The following SMAD6 variants were observed in gnomAD, a reference collection of about 807,000 sequenced individuals.
SMAD6 encodes MAD homolog 6.
SMAD6 carries 103 observed loss-of-function variants against 39.4 expected under a neutral mutation model. That is an observed-to-expected ratio of 2.62 (90% CI 2.23 to 3.08). The LOEUF (loss-of-function observed/expected upper bound fraction) is 3.08, where lower values mean the gene tolerates loss of function less well. SMAD6 is among the 30% of genes most tolerant of loss of function. The pLI is 0.00. For missense variants in SMAD6, 1,104 were observed against 742.9 expected, an observed-to-expected ratio of 1.49 and a Z score of -5.65; for synonymous variants, 445 against 353.3, an observed-to-expected ratio of 1.26 and a Z score of -2.91.
intron 3 of SMAD6, among the ~76,000 whole-genome samples, chr15:66,742,807 CTTTG>C: frequency 6.6e-6 from 1 of 152,150 alleles, no homozygotes; most frequent in African/African-American, 2.4e-5. Context: ...TGGACGTTGC[CTTTG>C]CTTAGACTGC....
intron 3 of SMAD6, among the ~76,000 whole-genome samples, chr15:66,727,121 CAG>C (rs751491759): frequency 9.5e-5 from 14 of 146,840 alleles, no homozygotes; most frequent in Non-Finnish European, 1.2e-4. Context: ...TTTTTTGAGA[CAG>C]AGTCTCACTC....
intron 3 of SMAD6, among the ~76,000 whole-genome samples, chr15:66,733,248 TC>T (rs1372380018): frequency 1.4e-4 from 22 of 152,346 alleles, no homozygotes; most frequent in Admixed American, 5.2e-4. Flanking sequence ...GAGTCTTTTG[TC>T]TTTTTCAAAG....
chr15:66,726,803 T>C (rs115449054), intron 3 of SMAD6, among the ~76,000 whole-genome samples: 2,376 of 152,216 alleles, frequency 0.016, 56 homozygotes, highest in African/African-American at 0.046. Flanking sequence ...ACATCAATCC[T>C]GTGAAGAGTT....
At position 66,781,836 on chromosome 15, in the gene SMAD6, C is replaced by T; in HGVS notation, c.*301C>T. 1 of 398,706 alleles carries T rather than the reference C, an allele frequency of 2.5e-6. No homozygotes were observed. Among genetic ancestry groups the T allele is most frequent in the Non-Finnish European group, 4.4e-6 (1 of 226,044 alleles). The allele number at this position is 398,706 out of a possible 1,614,324, so 24.7% of individuals were successfully genotyped here. ...CAGATATATTTTCTTTCTCTTCCTC[C>T]TTCCTCTTCCTTACTTTTTATATAT... On this transcript the variant is annotated 3_prime_UTR_variant, in exon 4 of 4. Coordinates refer to ENST00000288840, the MANE Select transcript of SMAD6 (RefSeq NM_005585.5).
chr15:66,735,265 T>G (rs1034339161), intron 3 of SMAD6, among the ~76,000 whole-genome samples: 1 of 152,218 alleles, frequency 6.6e-6, no homozygotes, highest in African/African-American at 2.4e-5. Flanking sequence ...CCTGCCTATT[T>G]GGCCTCTGGT....
intron 1 of SMAD6, chr15:66,707,334 G>T (rs1341021022): frequency 2.0e-5 from 3 of 152,030 alleles, no homozygotes; most frequent in Non-Finnish European, 4.4e-5. Flanking sequence ...TTGCGCCCGG[G>T]GAAGAGAGAC....
In SMAD6 at chr15:66,781,742, A is replaced by G; in HGVS notation, c.*207A>G. 2.4e-6 allele frequency: 1 copy of G among 414,350 alleles called. No homozygotes were observed. The highest frequency in any genetic ancestry group is 4.2e-6 in the Non-Finnish European group (1 of 236,006). The allele number at this position is 414,350 out of a possible 1,614,324, so 25.7% of individuals were successfully genotyped here. A position where few individuals can be genotyped will look rare whatever the true frequency, so the allele number is the denominator to read the frequency against. On this transcript the variant is annotated 3_prime_UTR_variant, in exon 4 of 4. Coordinates refer to ENST00000288840, the MANE Select transcript of SMAD6 (RefSeq NM_005585.5). ...AGTCATTTTTACAATGTAATTATTT[A>G]TGTATGGTGCAATGTGTGTATATGG...
rs556455846 is a variant in SMAD6, at chr15:66,738,759, C to T, written c.952+22261C>T. Among the ~76,000 whole-genome samples the T allele has an allele frequency of 8.5e-5, 13 of 152,130 alleles. No individual in the cohort carries two copies. In the South Asian group the frequency reaches 2.5e-3, roughly 29 times the overall value. Reference sequence around the variant, plus strand: ...AGTGGCTGTGTCGGGGGCCAGAGAGCGGGTTCTGATGGGTGGGCTGAAATG... The same window carrying T: ...AGTGGCTGTGTCGGGGGCCAGAGAGTGGGTTCTGATGGGTGGGCTGAAATG... On this transcript the variant is annotated intron_variant, in intron 3 of 3. Coordinates refer to ENST00000288840, the MANE Select transcript of SMAD6 (RefSeq NM_005585.5).
chr15:66,738,964 G>A (rs1243724758), intron 3 of SMAD6, among the ~76,000 whole-genome samples: 1 of 152,146 alleles, frequency 6.6e-6, no homozygotes, highest in African/African-American at 2.4e-5. Flanking sequence ...ATGGGACCCG[G>A]GTGTGGATCG....
chr15:66,782,371 T>C lies in SMAD6; in HGVS notation c.*836T>C, dbSNP rs1284016457. ...TAAAAGAAGACACTATTTCTCACCATTTTGTGGAAATGGCCTGGGGAACAA... is the reference window on the plus strand; with the variant it reads ...TAAAAGAAGACACTATTTCTCACCACTTTGTGGAAATGGCCTGGGGAACAA... On this transcript the variant is annotated 3_prime_UTR_variant, in exon 4 of 4. Transcript: ENST00000288840. 6.5e-6 allele frequency: 1 copy of C among 153,500 alleles called. No individual in the cohort carries two copies. The highest frequency in any genetic ancestry group is 2.4e-5 in the African/African-American group (1 of 41,514). The allele number at this position is 153,500 out of a possible 1,614,324, so 9.5% of individuals were successfully genotyped here.
At chr15:66,749,562 G>A (rs902692522) in intron 3 of SMAD6, among the ~76,000 whole-genome samples, 1 of 152,172 alleles carries the variant, frequency 6.6e-6, no homozygotes, top group African/African-American at 2.4e-5. Context: ...AGGCTGCAGT[G>A]AGACATGATA....
chr15:66,719,606 G>A (rs1442637216), intron 3 of SMAD6, among the ~76,000 whole-genome samples: 2 of 152,282 alleles, frequency 1.3e-5, no homozygotes, highest in Non-Finnish European at 2.9e-5. Context: ...CAATCCCAGC[G>A]CTGGGCCTGG....
At chr15:66,734,944 A>G (rs1295529488) in intron 3 of SMAD6, among the ~76,000 whole-genome samples, 2 of 152,206 alleles carry the variant, frequency 1.3e-5, no homozygotes, top group Non-Finnish European at 2.9e-5. Flanking sequence ...GTTCCATGGC[A>G]TGGTAGAGTG....
intron 3 of SMAD6, among the ~76,000 whole-genome samples, chr15:66,749,884 G>T (rs1013493317): frequency 6.6e-6 from 1 of 152,192 alleles, no homozygotes; most frequent in Non-Finnish European, 1.5e-5. Context: ...GTTCAGAGTT[G>T]CTGGGACAGT....
rs1182694351 is a variant in SMAD6, at chr15:66,752,471, AAGC to A, written c.953-28523_953-28521del. Among the ~76,000 whole-genome samples, 4 of 152,154 alleles carry A rather than the reference AAGC, an allele frequency of 2.6e-5. No homozygotes were observed. In the South Asian group the frequency reaches 8.3e-4, roughly 32 times the overall value. On this transcript the variant is annotated intron_variant, in intron 3 of 3. Transcript: ENST00000288840. ...TTTCAAAATGCTCACAGTTGAATGGAAGCAGACTCACAATTTAAAAATACATAC... is the reference window on the plus strand; with the variant it reads ...TTTCAAAATGCTCACAGTTGAATGGAAGACTCACAATTTAAAAATACATAC...
chr15:66,769,275 T>G (rs915329242), intron 3 of SMAD6, among the ~76,000 whole-genome samples: 4 of 152,198 alleles, frequency 2.6e-5, no homozygotes, highest in African/African-American at 9.6e-5. Context: ...AATGCTGTGC[T>G]TTCACCATCT....
At chr15:66,772,986 A>C (rs1894403959) in intron 3 of SMAD6, among the ~76,000 whole-genome samples, 1 of 150,442 alleles carries the variant, frequency 6.6e-6, no homozygotes. Context: ...TTCCCATCAC[A>C]CTCCCTGTCT....
chr15:66,779,999 C>T (rs989919623), intron 3 of SMAD6, among the ~76,000 whole-genome samples: 3 of 152,202 alleles, frequency 2.0e-5, no homozygotes, highest in Non-Finnish European at 4.4e-5. Flanking sequence ...TTGTTAAACT[C>T]CTCCAGACAC....
At chr15:66,721,644 C>A (rs998892588) in intron 3 of SMAD6, among the ~76,000 whole-genome samples, 24 of 152,166 alleles carry the variant, frequency 1.6e-4, no homozygotes, top group Admixed American at 1.4e-3. Flanking sequence ...AACAACATAT[C>A]CCTAGTGGTG....
Sources: allele counts gnomAD v4.1 joint callset (sites outside exome capture counted in the v4.1 genomes callset), GRCh38; gene constraint gnomAD v4.1.1; transcripts MANE v1.5; gene names NCBI Gene and HGNC (gene_info 2026-07-23, HGNC 2026-07-21).